The following MAP7 variants were observed in gnomAD, a reference collection of about 807,000 sequenced individuals.
The protein encoded by MAP7 is microtubule associated protein 7.
A neutral mutation model predicts 94.8 loss-of-function variants in MAP7; 52 were observed. That is an observed-to-expected ratio of 0.55 (90% confidence interval 0.44 to 0.69). The LOEUF is 0.69. Among genes scored for constraint, MAP7 ranks in the 30% least tolerant of loss-of-function variants. MAP7 has a pLI of 0.00. For missense variants in MAP7, 940 were observed against 964.6 expected (o/e 0.97, Z 0.34); for synonymous variants, 350 against 357.0 (o/e 0.98, Z 0.22).
Position 136,372,593 on chromosome 6 carries a change from CT to C in MAP7, c.783del (p.Ala262LeufsTer15). On this transcript the variant is annotated frameshift_variant, in exon 8 of 18. Transcript: ENST00000354570. LOFTEE classifies it high-confidence loss of function. ...TCCATCGAATTTCTAGAGTGTGCAG[CT>C]TTGTAGGGCATGATGATGGGGCTGC... ...ASCSPIIMPY[K>X]AAHSRNSMDR... 6.2e-7 allele frequency: 1 copy of C among 1,614,124 alleles called. No individual in the cohort carries two copies. Among genetic ancestry groups the C allele is most frequent in the Non-Finnish European group, 8.5e-7 (1 of 1,180,030 alleles).
chr6:136,479,902 A>C (rs749455198), intron 1 of MAP7, among the ~76,000 whole-genome samples: 35 of 152,208 alleles, frequency 2.3e-4, no homozygotes, highest in Non-Finnish European at 4.6e-4. Flanking sequence ...AAAAATCAAT[A>C]TTGTTAAAAT....
At chr6:136,493,061 A>G (rs1043451288) in intron 1 of MAP7, among the ~76,000 whole-genome samples, 2 of 150,244 alleles carry the variant, frequency 1.3e-5, no homozygotes, top group Non-Finnish European at 3.0e-5. Flanking sequence ...CCAAGAAATG[A>G]TGTGAAAGCA....
chr6:136,383,614 A>G, intron 6 of MAP7, 57 bp downstream of exon 6: 1 of 951,528 alleles, frequency 1.1e-6, no homozygotes, highest in Non-Finnish European at 1.6e-6. Context: ...GTAAACATCC[A>G]GAAAAAAAAG....
intron 1 of MAP7, among the ~76,000 whole-genome samples, chr6:136,515,318 T>C (rs1055106440): frequency 2.0e-5 from 3 of 152,230 alleles, no homozygotes; most frequent in Non-Finnish European, 4.4e-5. Flanking sequence ...TCAAATCTTC[T>C]TTGTATCAGC....
At chr6:136,352,986 G>A (rs896914917) in intron 16 of MAP7, among the ~76,000 whole-genome samples, 5 of 152,196 alleles carry the variant, frequency 3.3e-5, no homozygotes, top group African/African-American at 7.2e-5. Flanking sequence ...ATAATTAAGG[G>A]AAGCAGAATT....
intron 1 of MAP7, among the ~76,000 whole-genome samples, chr6:136,538,034 G>T (rs978803941): frequency 6.6e-6 from 1 of 152,078 alleles, no homozygotes; most frequent in Non-Finnish European, 1.5e-5. Flanking sequence ...AGCCGGCCTC[G>T]GCCTCCCAAA....
chr6:136,459,715 G>C (rs547455154), intron 1 of MAP7, among the ~76,000 whole-genome samples: 1 of 152,250 alleles, frequency 6.6e-6, no homozygotes, highest in Non-Finnish European at 1.5e-5. Context: ...TAGAAGCAGA[G>C]AATAAAATGG....
At chr6:136,526,221 C>T (rs969438806) in intron 1 of MAP7, 19 of 1,206,412 alleles carry the variant, frequency 1.6e-5, no homozygotes, top group Admixed American at 4.1e-5. Flanking sequence ...ACTGACTCCC[C>T]GACAGGCACA....
Position 136,377,882 on chromosome 6 carries a change from C to T in MAP7, c.638-14G>A, listed in dbSNP as rs748056884. ...GCAGGCGGCGAGCTAAACGTCACCA[C>T]ATAAGCAAGATGTTAGAAGCATTCT... On this transcript the variant is annotated splice_polypyrimidine_tract_variant and intron_variant, in intron 6 of 17. Transcript: ENST00000354570. 6.3e-7 allele frequency: 1 copy of T among 1,580,910 alleles called. No homozygotes were observed. Among genetic ancestry groups the T allele is most frequent in the Non-Finnish European group, 8.7e-7 (1 of 1,150,436 alleles).
At chr6:136,471,989 A>C (rs781744337) in intron 1 of MAP7, among the ~76,000 whole-genome samples, 1 of 152,194 alleles carries the variant, frequency 6.6e-6, no homozygotes, top group African/African-American at 2.4e-5. Flanking sequence ...TTTCAGCAAA[A>C]TCAGGTTGCC....
At chr6:136,485,554 G>GTTTT (rs1562452833) in intron 1 of MAP7, among the ~76,000 whole-genome samples, 1 of 124,392 alleles carries the variant, frequency 8.0e-6, no homozygotes, top group African/African-American at 3.4e-5. Flanking sequence ...TTCCACTTCA[G>GTTTT]ATTTTTTTTT....
chr6:136,372,444 T>G, intron 8 of MAP7, 57 bp downstream of exon 8: 1 of 1,605,680 alleles, frequency 6.2e-7, no homozygotes, highest in African/African-American at 1.3e-5. Flanking sequence ...ATGTACAGTC[T>G]GCACAGGAAC....
At chr6:136,483,490 C>T (rs1813594549) in intron 1 of MAP7, among the ~76,000 whole-genome samples, 1 of 152,048 alleles carries the variant, frequency 6.6e-6, no homozygotes, top group Non-Finnish European at 1.5e-5. Flanking sequence ...CAAACCTGCA[C>T]ATGTACCCTT....
At chr6:136,452,185 C>A (rs1280044858) in intron 1 of MAP7, among the ~76,000 whole-genome samples, 3 of 126,048 alleles carry the variant, frequency 2.4e-5, no homozygotes, top group African/African-American at 8.4e-5. Flanking sequence ...CAGAGCAAGA[C>A]TCCGTCTCAA....
intron 1 of MAP7, among the ~76,000 whole-genome samples, chr6:136,536,249 GT>G (rs1239187702): frequency 1.3e-5 from 2 of 151,606 alleles, no homozygotes; most frequent in African/African-American, 4.8e-5. Flanking sequence ...TTTGTTTTTT[GT>G]TTTTTTCCAT....
intron 2 of MAP7, among the ~76,000 whole-genome samples, chr6:136,416,214 C>A (rs957653950): frequency 6.6e-6 from 1 of 152,210 alleles, no homozygotes; most frequent in Admixed American, 6.5e-5. Context: ...AAACAACGAA[C>A]AACCTTAGCT....
In MAP7 at chr6:136,496,777, TAAA is replaced by T. The variant is rs1171059105; in HGVS notation, c.67+53562_67+53564del. Reference sequence around the variant, plus strand: ...CAACAAGGTGAAACCCCGTCTCTACTAAAAAAAAAAAAAAAAAAAAAAAAAAAT... The same window carrying T: ...CAACAAGGTGAAACCCCGTCTCTACTAAAAAAAAAAAAAAAAAAAAAAAAT... On this transcript the variant is annotated intron_variant, in intron 1 of 17. Coordinates refer to ENST00000354570, the MANE Select transcript of MAP7 (RefSeq NM_003980.6). 1.5e-3 allele frequency among the ~76,000 whole-genome samples: 82 copies of T among 53,314 alleles called. 1 individual carries two copies. The highest frequency in any genetic ancestry group is 5.6e-3 in the African/African-American group (76 of 13,600). The allele number at this position is 53,314 out of a possible 152,430, so 35.0% of individuals were successfully genotyped here. A position where few individuals can be genotyped will look rare whatever the true frequency, so the allele number is the denominator to read the frequency against.
chr6:136,433,245 GTTCT>G (rs1415695744), intron 1 of MAP7, among the ~76,000 whole-genome samples: 3 of 151,966 alleles, frequency 2.0e-5, no homozygotes, highest in African/African-American at 7.3e-5. Flanking sequence ...TACTTTTCAA[GTTCT>G]TTCTTTAACT....
chr6:136,457,342 C>T (rs1478214831), intron 1 of MAP7, among the ~76,000 whole-genome samples: 1 of 151,420 alleles, frequency 6.6e-6, no homozygotes, highest in Non-Finnish European at 1.5e-5. Flanking sequence ...CATCCCCTGC[C>T]CCAAAAAAGC....
Sources: allele counts gnomAD v4.1 joint callset (sites outside exome capture counted in the v4.1 genomes callset), GRCh38; gene constraint gnomAD v4.1.1; transcripts MANE v1.5; gene names NCBI Gene and HGNC (gene_info 2026-07-23, HGNC 2026-07-21).